The following ZDHHC19 variants were observed in gnomAD, a reference collection of about 807,000 sequenced individuals.
The protein encoded by ZDHHC19 is palmitoyltransferase ZDHHC19.
A neutral mutation model predicts 33.9 loss-of-function variants in ZDHHC19; 30 were observed. The ratio of observed to expected loss-of-function variants is 0.88; its 90% confidence interval spans 0.66 to 1.20. The LOEUF is 1.20. ZDHHC19 is among the 50% of genes most tolerant of loss of function. ZDHHC19 has a pLI of 0.00. For synonymous variants in ZDHHC19, 178 were observed against 167.6 expected, an observed-to-expected ratio of 1.06 and a Z score of -0.48; for missense variants, 364 against 401.1, an observed-to-expected ratio of 0.91 and a Z score of 0.79.
intron 4 of ZDHHC19, 60 bp from the exon 5 acceptor site, chr3:196,207,563 C>T: frequency 8.0e-7 from 1 of 1,250,560 alleles, no homozygotes; most frequent in Admixed American, 3.3e-5. Flanking sequence ...CCCCCAGGCC[C>T]GACTCCGCCC....
In ZDHHC19 at chr3:196,211,263, G is replaced by A. The variant is rs1489873866; in HGVS notation, c.53C>T (p.Pro18Leu). The A allele has an allele frequency of 1.9e-6, 3 of 1,614,208 alleles. No individual in the cohort carries two copies. Among genetic ancestry groups the A allele is most frequent in the African/African-American group, 2.7e-5 (2 of 75,060 alleles). ...TPLVKEPHPL[P>L]LVPRPWFLPS... ...GAGGAACCAGGGACGTGGGACCAGA[G>A]GCAGGGGATGGGGCTCCTTCACCAG... Residue 18 changes from proline (P) to leucine (L), a missense_variant, in exon 1 of 8, where the codon CCT (proline) becomes CTT (leucine). Transcript: ENST00000296326.
At chr3:196,208,583 A>G in intron 3 of ZDHHC19, 23 bp from the exon 4 acceptor site, 1 of 1,611,162 alleles carries the variant, frequency 6.2e-7, no homozygotes, top group East Asian at 2.2e-5. Flanking sequence ...GAGAGGGGCC[A>G]GGCTTGAGGA....
At position 196,198,830 on chromosome 3, in the gene ZDHHC19, G is replaced by A. The variant is rs773181801; in HGVS notation, c.732C>T (p.Ala244=). 6 of 1,614,106 alleles carry A rather than the reference G, an allele frequency of 3.7e-6. No individual in the cohort carries two copies. The highest frequency in any genetic ancestry group is 5.1e-6 in the Non-Finnish European group (6 of 1,180,004). Residue 244 remains alanine, a synonymous_variant, in exon 6 of 8, where the codon GCC becomes GCT. Transcript: ENST00000296326. ...CACAAATTGTTAAATACCAGTTGCT[G>A]GCACAGCCCTGGTCGAAGGGGTTGT... The part of the protein sequence containing the change: ...QGYNPFDQGC[A]SNWYLTICAP...
intron 5 of ZDHHC19, among the ~76,000 whole-genome samples, chr3:196,204,717 G>C (rs771262282): frequency 6.6e-6 from 1 of 152,160 alleles, no homozygotes; most frequent in African/African-American, 2.4e-5. Context: ...TCAAACGTTC[G>C]TAAGGATGCA....
chr3:196,198,691 G>T, intron 6 of ZDHHC19, 98 bp downstream of exon 6: 1 of 1,600,250 alleles, frequency 6.2e-7, no homozygotes. Context: ...CAGGAACAGT[G>T]AGTGTAAGGG....
rs1230177622 is a variant in ZDHHC19 at position 196,203,309 on chromosome 3, T to A, written c.687+4089A>T. Among the ~76,000 whole-genome samples, 1 of 152,080 alleles carries A rather than the reference T, an allele frequency of 6.6e-6. No homozygotes were observed. Among genetic ancestry groups the A allele is most frequent in the Admixed American group, 6.6e-5 (1 of 15,264 alleles). ...GAGAGAAATTGAACGGTATTAATAG[T>A]AGCGACATCTAGAGCACTCACTTGT... On this transcript the variant is annotated intron_variant, in intron 5 of 7. Transcript: ENST00000296326. The surrounding 1 kb of genome is among the most constrained non-coding windows in gnomAD (Gnocchi z 4.3).
In ZDHHC19 at chr3:196,207,459, G is replaced by C; in HGVS notation, c.626C>G (p.Ser209Cys). The C allele has an allele frequency of 2.5e-6, 4 of 1,576,198 alleles. No homozygotes were observed. The highest frequency in any genetic ancestry group is 2.6e-6 in the Non-Finnish European group (3 of 1,161,848). The change falls in exon 5 of 8, where the codon TCC becomes TGC. Residue 209 changes from serine (S) to cysteine (C), a missense_variant. Ser to Cys is a moderately radical substitution (Grantham distance 112). Transcript: ENST00000296326. ...CAGTGCCTGGATCAGCAGCAGGAGG[G>C]ACAGCGGCACCAGGAGGCCCGCGGC... The part of the protein sequence containing the change: ...VSAAGLLVPL[S>C]LLLLIQALSV...
At position 196,198,304 on chromosome 3, in the gene ZDHHC19, C is replaced by G. The variant is rs745580298; in HGVS notation, c.921G>C (p.Gly307=). Residue 307 remains glycine, a synonymous_variant, in exon 7 of 8, where the codon GGG becomes GGC. Transcript: ENST00000296326. ...CTGGAGAGCTGCAGCCTCACCACGC[C>G]CCGGGGGTCCCTTCCCTGCTTTGTA... ...GSLQSREGTP[G]AW is the part of the protein sequence containing the mutation. 2.7e-6 allele frequency: 4 copies of G among 1,504,604 alleles called. No homozygotes were observed. 93.2% of individuals were successfully genotyped at this position (1,504,604 alleles called of 1,614,324 possible).
In ZDHHC19 at chr3:196,198,311, G is replaced by T. The variant is rs1721959566; in HGVS notation, c.914C>A (p.Thr305Asn). The change falls in exon 7 of 8, where the codon ACC (threonine) becomes AAC (asparagine). Residue 305 changes from threonine to asparagine, a missense_variant. Transcript: ENST00000296326. ...TSGSLQSREG[T>N]PGAW is the part of the protein sequence containing the mutation. ...GCTGCAGCCTCACCACGCCCCGGGGGTCCCTTCCCTGCTTTGTAGGGACCC... is the reference window on the plus strand; with the variant it reads ...GCTGCAGCCTCACCACGCCCCGGGGTTCCCTTCCCTGCTTTGTAGGGACCC... 3 of 1,504,608 alleles carry T rather than the reference G, an allele frequency of 2.0e-6. No individual in the cohort carries two copies. The highest frequency in any genetic ancestry group is 2.7e-6 in the Non-Finnish European group (3 of 1,127,258). The allele number at this position is 1,504,608 out of a possible 1,614,324, so 93.2% of individuals were successfully genotyped here.
rs780093972 is a variant in ZDHHC19, at chr3:196,208,402, G to C, written c.567C>G (p.Thr189=). The C allele has an allele frequency of 1.2e-6, 2 of 1,613,996 alleles. No homozygotes were observed. The highest frequency in any genetic ancestry group is 1.7e-6 in the Non-Finnish European group (2 of 1,179,962). Residue 189 remains threonine (T), a synonymous_variant, in exon 4 of 8, where the codon ACC becomes ACG. Coordinates refer to ENST00000296326, the MANE Select transcript of ZDHHC19 (RefSeq NM_001039617.2). ...TGGGCGGATACGCGATGGCCTTGTCGGTGGAGAAGGGCAGGTGGGTTGTGC... is the reference window on the plus strand; with the variant it reads ...TGGGCGGATACGCGATGGCCTTGTCCGTGGAGAAGGGCAGGTGGGTTGTGC... The part of the protein sequence containing the change: ...LVRTTHLPFS[T]DKAIAIVVAV...
At chr3:196,207,102 T>C (rs1722795543) in intron 5 of ZDHHC19, among the ~76,000 whole-genome samples, 1 of 152,182 alleles carries the variant, frequency 6.6e-6, no homozygotes, top group Non-Finnish European at 1.5e-5. Flanking sequence ...TGGTGGGTGT[T>C]ACTCTGATTT....
Position 196,198,855 on chromosome 3 carries a change from TA to T in ZDHHC19, c.706del (p.Tyr236ThrfsTer14). On this transcript the variant is annotated frameshift_variant, in exon 6 of 8. Transcript: ENST00000296326. LOFTEE classifies it high-confidence loss of function. ...YKGKCRHLQG[Y>X]NPFDQGCASN... is the part of the protein sequence containing the mutation. ...GGCACAGCCCTGGTCGAAGGGGTTG[TA>T]TCCCTGAAGGTGTCTGCACTGGTCG... The T allele has an allele frequency of 1.2e-6, 2 of 1,613,986 alleles. No homozygotes were observed. The highest frequency in any genetic ancestry group is 1.7e-6 in the Non-Finnish European group (2 of 1,179,898).
At chr3:196,207,933 TTTC>T (rs1722904100) in intron 4 of ZDHHC19, among the ~76,000 whole-genome samples, 2 of 123,572 alleles carry the variant, frequency 1.6e-5, no homozygotes, top group Admixed American at 1.8e-4. Flanking sequence ...CAGATTCCTT[TTTC>T]TTTTCTTTTC....
Position 196,208,418 on chromosome 3 carries a change from T to C in ZDHHC19, c.551A>G (p.His184Arg), listed in dbSNP as rs1577329713. The C allele has an allele frequency of 6.2e-7, 1 of 1,613,074 alleles. No individual in the cohort carries two copies. Among genetic ancestry groups the C allele is most frequent in the East Asian group, 2.2e-5 (1 of 44,804 alleles). ...TCLIFLVRTT[H>R]LPFSTDKAIA... is the part of the protein sequence containing the mutation. ...GGCCTTGTCGGTGGAGAAGGGCAGG[T>C]GGGTTGTGCGCACCAGGAAGATGAG... The change falls in exon 4 of 8, where the codon CAC becomes CGC. Residue 184 changes from histidine (H) to arginine (R), a missense_variant. His to Arg is a conservative substitution (Grantham distance 29). Coordinates refer to ENST00000296326, the MANE Select transcript of ZDHHC19 (RefSeq NM_001039617.2).
Position 196,198,809 on chromosome 3 carries a change from A to G in ZDHHC19, c.753T>C (p.Ile251=). Residue 251 remains isoleucine (I), a synonymous_variant, in exon 6 of 8, where the codon ATT becomes ATC. Transcript: ENST00000296326. ...QGCASNWYLT[I]CAPLGPKYMA... ...CTCACTTGGGTCCCAGTGGTGCACAAATTGTTAAATACCAGTTGCTGGCAC... is the reference window on the plus strand; with the variant it reads ...CTCACTTGGGTCCCAGTGGTGCACAGATTGTTAAATACCAGTTGCTGGCAC... 6.2e-7 allele frequency: 1 copy of G among 1,614,044 alleles called. No homozygotes were observed. The highest frequency in any genetic ancestry group is 8.5e-7 in the Non-Finnish European group (1 of 1,179,990).
In ZDHHC19 at chr3:196,210,697, C is replaced by T. The variant is rs772268592; in HGVS notation, c.187G>A (p.Val63Ile). Residue 63 changes from valine to isoleucine, a missense_variant, in exon 2 of 8, where the codon GTT becomes ATT. By Grantham distance (29) the Val-to-Ile change is conservative (BLOSUM62 3). Coordinates refer to ENST00000296326, the MANE Select transcript of ZDHHC19 (RefSeq NM_001039617.2). Reference sequence around the variant, plus strand: ...AGGACAAAGAGGGAGCCTGTGATAACAGGAAAGGCCCACTCCCCGTTCTGA... The same window carrying T: ...AGGACAAAGAGGGAGCCTGTGATAATAGGAAAGGCCCACTCCCCGTTCTGA... The part of the protein sequence containing the change: ...LAQNGEWAFP[V>I]ITGSLFVLTF... 4 of 1,614,012 alleles carry T rather than the reference C, an allele frequency of 2.5e-6. No homozygotes were observed. The South Asian group carries it at 4.4e-5, about 18-fold the overall frequency.
At position 196,208,521 on chromosome 3, in the gene ZDHHC19, C is replaced by G. The variant is rs371838977; in HGVS notation, c.448G>C (p.Gly150Arg). ...HHCKWVNNCIGHRNFRFFMLL... is the reference protein window; with the variant it reads ...HHCKWVNNCIRHRNFRFFMLL... ...ATGAAGAAGCGGAAGTTGCGGTGAC[C>G]GATGCAGTTATTGACCCACTTGCAG... is the stretch of plus-strand genomic sequence containing the variant. Residue 150 changes from glycine (G) to arginine (R), a missense_variant, in exon 4 of 8, where the codon GGT becomes CGT. Physicochemically the swap from Gly to Arg is moderately radical, Grantham distance 125. Coordinates refer to ENST00000296326, the MANE Select transcript of ZDHHC19 (RefSeq NM_001039617.2). 1.9e-5 allele frequency: 31 copies of G among 1,614,012 alleles called. No individual in the cohort carries two copies. Among genetic ancestry groups the G allele is most frequent in the Non-Finnish European group, 2.6e-5 (31 of 1,180,022 alleles).
intron 1 of ZDHHC19, 102 bp downstream of exon 1, chr3:196,211,068 C>G: frequency 1.3e-6 from 2 of 1,571,536 alleles, no homozygotes; most frequent in African/African-American, 2.7e-5. Flanking sequence ...TTTCCCTGAC[C>G]TCTCCCCCGG....
chr3:196,210,281 A>G (rs971725092), intron 2 of ZDHHC19, among the ~76,000 whole-genome samples: 13 of 121,888 alleles, frequency 1.1e-4, no homozygotes, highest in East Asian at 3.6e-4. Context: ...AAAGAAAGAA[A>G]GAAAGAAGGA....
Sources: gnomAD v4.1 joint callset for allele counts (sites outside exome capture counted in the v4.1 genomes callset) on GRCh38, gnomAD v4.1.1 for gene constraint, Gnocchi (gnomAD v3.1) non-coding constraint, MANE v1.5 for transcripts, NCBI Gene and HGNC (gene_info 2026-07-23, HGNC 2026-07-21) for gene names.